Variants in PCDHA3 observed in about 807,000 individuals in gnomAD.
PCDHA3 encodes the protein protocadherin alpha 3, also known as protocadherin alpha-3.
A neutral mutation model predicts 62.2 loss-of-function variants in PCDHA3; 41 were observed. That is an observed-to-expected ratio of 0.66 (90% CI 0.51 to 0.86). The LOEUF (loss-of-function observed/expected upper bound fraction) is 0.86, where lower values mean the gene tolerates loss of function less well. Among genes scored for constraint, PCDHA3 ranks in the 40% least tolerant of loss-of-function variants. The pLI, the probability that PCDHA3 is intolerant of heterozygous loss-of-function variation, is 0.00. For synonymous variants in PCDHA3, 640 were observed against 555.4 expected, an observed-to-expected ratio of 1.15 and a Z score of -2.14; for missense variants, 1,304 against 1,241.2, an observed-to-expected ratio of 1.05 and a Z score of -0.76.
rs2150115372 is a variant in PCDHA3, at chr5:140,822,309, C to G, written c.2394+18718C>G. 2.5e-6 allele frequency: 4 copies of G among 1,614,044 alleles called. No individual in the cohort carries two copies. The African/African-American group carries it at 5.3e-5, about 22-fold the overall frequency. On this transcript the variant is annotated intron_variant, in intron 1 of 3. Transcript: ENST00000522353. ...GGTTAAATCCAAACGAATATTTTGA[C>G]TTAGATGTTAAAACAAATGAAGAAG...
rs1336812837 is a variant in PCDHA3 at position 140,801,650 on chromosome 5, G to A, written c.453G>A (p.Arg151=). Residue 151 remains arginine, a synonymous_variant, in exon 1 of 4, where the codon CGG becomes CGA. Coordinates refer to ENST00000522353, the MANE Select transcript of PCDHA3 (RefSeq NM_018906.3). The part of the protein sequence containing the change: ...FISESRQPGS[R]FSLEGASDAD... ...CCGAATCCCGACAGCCTGGCTCTCG[G>A]TTTTCGCTAGAGGGCGCATCAGATG... The A allele has an allele frequency of 3.1e-6, 5 of 1,614,058 alleles. No individual in the cohort carries two copies. The highest frequency in any genetic ancestry group is 3.4e-6 in the Non-Finnish European group (4 of 1,180,034).
chr5:140,807,568 C>G lies in PCDHA3; in HGVS notation c.2394+3977C>G, dbSNP rs782590169. 6.8e-6 allele frequency: 11 copies of G among 1,614,056 alleles called. No homozygotes were observed. The African/African-American group carries it at 1.5e-4, about 22-fold the overall frequency. On this transcript the variant is annotated intron_variant, in intron 1 of 3. Coordinates refer to ENST00000522353, the MANE Select transcript of PCDHA3 (RefSeq NM_018906.3). Reference sequence around the variant, plus strand: ...TGGACGTGGAGGTGAGGGACATTAACGATAACCCGCCGGTGTTCCCAGCAA... The same window carrying G: ...TGGACGTGGAGGTGAGGGACATTAAGGATAACCCGCCGGTGTTCCCAGCAA...
At chr5:140,805,101 C>G (rs1562199500) in intron 1 of PCDHA3, 2 of 1,592,070 alleles carry the variant, frequency 1.3e-6, no homozygotes, top group Non-Finnish European at 1.7e-6. Context: ...CCTCTTGAAA[C>G]TATTGTCTAA....
chr5:140,964,952 T>C (rs868971882), intron 1 of PCDHA3, among the ~76,000 whole-genome samples: 1 of 152,190 alleles, frequency 6.6e-6, no homozygotes, highest in South Asian at 2.1e-4. Flanking sequence ...TGAGTGTGCT[T>C]GGTTGGTGGA....
intron 1 of PCDHA3, chr5:140,926,929 G>A (rs1554203825): frequency 6.3e-7 from 1 of 1,575,722 alleles, no homozygotes; most frequent in South Asian, 1.2e-5. Flanking sequence ...ATGTTTGTGG[G>A]TTTCCTGCGG....
chr5:140,887,247 C>T (rs1302931456), intron 1 of PCDHA3, among the ~76,000 whole-genome samples: 1 of 152,016 alleles, frequency 6.6e-6, no homozygotes, highest in Non-Finnish European at 1.5e-5. Context: ...CCGGCGCCCG[C>T]CACCACGCCC....
chr5:140,813,642 T>C (rs1554126262), intron 1 of PCDHA3: 1 of 152,226 alleles, frequency 6.6e-6, no homozygotes, highest in Non-Finnish European at 1.5e-5. Flanking sequence ...GACATTACTG[T>C]GCACTAATGT....
rs2150160526 is a variant in PCDHA3 at position 140,828,906 on chromosome 5, G to C, written c.2394+25315G>C. The C allele has an allele frequency of 2.8e-5, 45 of 1,614,124 alleles. No homozygotes were observed. The highest frequency in any genetic ancestry group is 3.6e-5 in the Non-Finnish European group (42 of 1,180,056). The stretch of plus-strand genomic sequence containing the variant: ...CTGAATGCTTCTGATCGGGATGAAG[G>C]AGCGAATGGGGCAATTTCATATTCT... On this transcript the variant is annotated intron_variant, in intron 1 of 3. Coordinates refer to ENST00000522353, the MANE Select transcript of PCDHA3 (RefSeq NM_018906.3).
chr5:140,876,948 C>T, intron 1 of PCDHA3: 2 of 1,613,572 alleles, frequency 1.2e-6, no homozygotes, highest in Non-Finnish European at 1.7e-6. Context: ...TGGTGTCCTA[C>T]TCGCTGGTGG....
chr5:140,917,314 G>A (rs1554197960), intron 1 of PCDHA3, among the ~76,000 whole-genome samples: 1 of 142,492 alleles, frequency 7.0e-6, no homozygotes, highest in African/African-American at 2.6e-5. Context: ...ACAATTTGGT[G>A]TTCATGTGGC....
At chr5:140,818,732 G>A (rs2150102254) in intron 1 of PCDHA3, among the ~76,000 whole-genome samples, 20 of 152,118 alleles carry the variant, frequency 1.3e-4, no homozygotes, top group African/African-American at 4.6e-4. Flanking sequence ...CAGCTACTTG[G>A]GAGGCTGAAG....
intron 1 of PCDHA3, chr5:140,966,824 A>T: frequency 1.3e-6 from 2 of 1,559,992 alleles, no homozygotes; most frequent in Non-Finnish European, 1.7e-6. Flanking sequence ...CCGGCGGCCC[A>T]TGCCCTGGCT....
chr5:140,883,771 G>A (rs782418376), intron 1 of PCDHA3: 11 of 1,612,346 alleles, frequency 6.8e-6, no homozygotes, highest in African/African-American at 1.3e-5. Context: ...GGGTGGGCGA[G>A]CGTGCGCTGT....
chr5:140,821,502 A>G (rs910748629), intron 1 of PCDHA3: 2 of 346,068 alleles, frequency 5.8e-6, no homozygotes, highest in South Asian at 1.4e-4. Flanking sequence ...ATTGACGAAT[A>G]TAAGCTAAAT....
intron 1 of PCDHA3, chr5:140,882,333 C>T (rs1052199425): frequency 3.8e-5 from 61 of 1,614,102 alleles, no homozygotes; most frequent in Non-Finnish European, 5.0e-5. Flanking sequence ...CTGATCCTCG[C>T]AGCCTGGGAG....
At chr5:140,928,356 C>A in intron 1 of PCDHA3, 1 of 1,614,176 alleles carries the variant, frequency 6.2e-7, no homozygotes, top group South Asian at 1.1e-5. Context: ...TGGATGTTAT[C>A]TCTGAAGGGC....
chr5:140,953,127 G>A (rs909395659), intron 1 of PCDHA3, among the ~76,000 whole-genome samples: 2 of 152,060 alleles, frequency 1.3e-5, no homozygotes, highest in African/African-American at 4.8e-5. Flanking sequence ...GATCTAAACC[G>A]TATCACTGTT....
At chr5:140,835,561 T>C (rs1304711365) in intron 1 of PCDHA3, 2 of 1,613,924 alleles carry the variant, frequency 1.2e-6, no homozygotes, top group Non-Finnish European at 1.7e-6. Flanking sequence ...ACGCCCCGCG[T>C]TCCCTTCAAG....
intron 1 of PCDHA3, among the ~76,000 whole-genome samples, chr5:140,969,719 T>G (rs1448594057): frequency 7.9e-5 from 12 of 152,220 alleles, no homozygotes; most frequent in Non-Finnish European, 1.5e-4. Flanking sequence ...AGGGAAATTT[T>G]TCTTTTGAAA....
Sources: gnomAD v4.1 joint callset for allele counts (sites outside exome capture counted in the v4.1 genomes callset) on GRCh38, gnomAD v4.1.1 for gene constraint, MANE v1.5 for transcripts, NCBI Gene and HGNC (gene_info 2026-07-23, HGNC 2026-07-21) for gene names.